Variants in KRTAP10-4 observed in about 807,000 individuals in gnomAD.
KRTAP10-4 encodes the protein keratin associated protein 10-4, also known as keratin-associated protein 10-4.
For synonymous variants in KRTAP10-4, 147 were observed against 213.7 expected, an observed-to-expected ratio of 0.69 and a Z score of 2.72; for missense variants, 374 against 507.6, an observed-to-expected ratio of 0.74 and a Z score of 2.53.
rs1555923642 is a variant in KRTAP10-4 at position 44,574,915 on chromosome 21, C to A, written c.1157C>A (p.Ser386Tyr). The A allele has an allele frequency of 1.9e-6, 3 of 1,612,206 alleles. No individual in the cohort carries two copies. The highest frequency in any genetic ancestry group is 2.5e-6 in the Non-Finnish European group (3 of 1,179,582). The change falls in exon 1 of 1, where the codon TCC becomes TAC. Residue 386 changes from serine (S) to tyrosine (Y), a missense_variant. Physicochemically the swap from Ser to Tyr is moderately radical, Grantham distance 144 (BLOSUM62 -2). Coordinates refer to ENST00000400374, the MANE Select transcript of KRTAP10-4 (RefSeq NM_198687.2). ...PVPSCCAPTSSCQPSCCRPAS... is the reference protein window; with the variant it reads ...PVPSCCAPTSYCQPSCCRPAS... The stretch of plus-strand genomic sequence containing the variant: ...CCTTCCTGCTGTGCTCCCACCTCCT[C>A]CTGCCAACCCAGCTGCTGCCGCCCA...
At position 44,575,179 on chromosome 21, in the gene KRTAP10-4, C is replaced by G; in HGVS notation, c.*215C>G. ...AAAGTCTATACTCAATGCTGCAGCCCTCTTGCGGGGGGAGGGGGGCGCTTC... is the reference window on the plus strand; with the variant it reads ...AAAGTCTATACTCAATGCTGCAGCCGTCTTGCGGGGGGAGGGGGGCGCTTC... On this transcript the variant is annotated 3_prime_UTR_variant, in exon 1 of 1. Transcript: ENST00000400374. 1.3e-6 allele frequency: 1 copy of G among 796,888 alleles called. No individual in the cohort carries two copies. Among genetic ancestry groups the G allele is most frequent in the Non-Finnish European group, 2.0e-6 (1 of 504,678 alleles). The allele number at this position is 796,888 out of a possible 1,614,324, so 49.4% of individuals were successfully genotyped here. A position where few individuals can be genotyped will look rare whatever the true frequency, so the allele number is the denominator to read the frequency against.
chr21:44,574,449 CCCGTCTGCTGCAAGA>C lies in KRTAP10-4; in HGVS notation c.693_707del (p.Thr236_Lys240del), dbSNP rs782087682. 12 of 1,602,246 alleles carry C rather than the reference CCCGTCTGCTGCAAGA, an allele frequency of 7.5e-6. 1 individual carries two copies. The South Asian group carries it at 9.9e-5, about 13-fold the overall frequency. On this transcript the variant is annotated inframe_deletion, in exon 1 of 1. Coordinates refer to ENST00000400374, the MANE Select transcript of KRTAP10-4 (RefSeq NM_198687.2). ...CTCCTGCCAGCAGGCCTGCTGCGTG[CCCGTCTGCTGCAAGA>C]CTGTCTGCTGCAAGCCTGTGTGCTC...
Position 44,574,791 on chromosome 21 carries a change from T to C in KRTAP10-4, c.1033T>C (p.Cys345Arg). ...CTCTTCATGCTGCCAGCAATCTAGC[T>C]GCCAGCCAGCTTGCTGCACCACCTC... is the stretch of plus-strand genomic sequence containing the variant. ...ASSSCCQQSS[C>R]QPACCTTSCC... is the part of the protein sequence containing the mutation. The change falls in exon 1 of 1, where the codon TGC (cysteine) becomes CGC (arginine). Residue 345 changes from cysteine to arginine, a missense_variant. Coordinates refer to ENST00000400374, the MANE Select transcript of KRTAP10-4 (RefSeq NM_198687.2). 1 of 1,614,172 alleles carries C rather than the reference T, an allele frequency of 6.2e-7. No individual in the cohort carries two copies. Among genetic ancestry groups the C allele is most frequent in the Non-Finnish European group, 8.5e-7 (1 of 1,180,020 alleles).
At position 44,574,127 on chromosome 21, in the gene KRTAP10-4, G is replaced by A; in HGVS notation, c.369G>A (p.Val123=). The A allele has an allele frequency of 6.3e-7, 1 of 1,595,432 alleles. No homozygotes were observed. The highest frequency in any genetic ancestry group is 8.6e-7 in the Non-Finnish European group (1 of 1,168,554). The stretch of plus-strand genomic sequence containing the variant: ...GCAAGACTGTCTGCTGCAAGCCTGT[G>A]TGCTGTGTGCCCGTCTGCTGTGGGG... ...VCCKTVCCKP[V]CCVPVCCGDS... The change falls in exon 1 of 1, where the codon GTG becomes GTA. Residue 123 remains valine (V), a synonymous_variant. Coordinates refer to ENST00000400374, the MANE Select transcript of KRTAP10-4 (RefSeq NM_198687.2).
In KRTAP10-4 at chr21:44,574,337, C is replaced by G; in HGVS notation, c.579C>G (p.Pro193=). The G allele has an allele frequency of 3.1e-6, 5 of 1,610,380 alleles. No homozygotes were observed. Among genetic ancestry groups the G allele is most frequent in the South Asian group, 1.1e-5 (1 of 90,862 alleles). ...CCTGCTGCCAGGCGGTCTGTGAGCC[C>G]AGCCCCTGCCAATCAGGCTGCATCA... is the stretch of plus-strand genomic sequence containing the variant. ...SSPCCQAVCE[P]SPCQSGCISS... The change falls in exon 1 of 1, where the codon CCC becomes CCG. Residue 193 remains proline, a synonymous_variant. Coordinates refer to ENST00000400374, the MANE Select transcript of KRTAP10-4 (RefSeq NM_198687.2).
In KRTAP10-4 at chr21:44,574,340, C is replaced by A. The variant is rs782037880; in HGVS notation, c.582C>A (p.Ser194Arg). 1.2e-6 allele frequency: 2 copies of A among 1,609,680 alleles called. No homozygotes were observed. Among genetic ancestry groups the A allele is most frequent in the Admixed American group, 1.7e-5 (1 of 59,666 alleles). The change falls in exon 1 of 1, where the codon AGC becomes AGA. Residue 194 changes from serine to arginine, a missense_variant. Coordinates refer to ENST00000400374, the MANE Select transcript of KRTAP10-4 (RefSeq NM_198687.2). ...SPCCQAVCEP[S>R]PCQSGCISSC... ...GCTGCCAGGCGGTCTGTGAGCCCAG[C>A]CCCTGCCAATCAGGCTGCATCAGCT...
Position 44,575,082 on chromosome 21 carries a change from C to G in KRTAP10-4, c.*118C>G. The G allele has an allele frequency of 6.9e-7, 1 of 1,447,782 alleles. No individual in the cohort carries two copies. Among genetic ancestry groups the G allele is most frequent in the Non-Finnish European group, 9.4e-7 (1 of 1,065,864 alleles). 89.7% of individuals were successfully genotyped at this position (1,447,782 alleles called of 1,614,324 possible). Reference sequence around the variant, plus strand: ...CAGGTCCCACCTGAAAGCTGATAGTCGCGTCCTGAATTGCTCCTGCACTTT... The same window carrying G: ...CAGGTCCCACCTGAAAGCTGATAGTGGCGTCCTGAATTGCTCCTGCACTTT... On this transcript the variant is annotated 3_prime_UTR_variant, in exon 1 of 1. Transcript: ENST00000400374.
chr21:44,574,561 A>C lies in KRTAP10-4; in HGVS notation c.803A>C (p.Gln268Pro). ...PACCTSSPCQ[Q>P]ACCVPVCCKP... Reference sequence around the variant, plus strand: ...TGCTGCACCTCCTCTCCCTGCCAGCAGGCTTGCTGTGTGCCTGTCTGCTGC... The same window carrying C: ...TGCTGCACCTCCTCTCCCTGCCAGCCGGCTTGCTGTGTGCCTGTCTGCTGC... The change falls in exon 1 of 1, where the codon CAG becomes CCG. Residue 268 changes from glutamine to proline, a missense_variant. Transcript: ENST00000400374. 6.2e-7 allele frequency: 1 copy of C among 1,601,964 alleles called. No individual in the cohort carries two copies. The highest frequency in any genetic ancestry group is 8.5e-7 in the Non-Finnish European group (1 of 1,176,786).
In KRTAP10-4 at chr21:44,574,580, C is replaced by T. The variant is rs587619253; in HGVS notation, c.822C>T (p.Val274=). ...GCCAGCAGGCTTGCTGTGTGCCTGT[C>T]TGCTGCAAGCCTGTGTGCTGCAAGC... is the stretch of plus-strand genomic sequence containing the variant. The part of the protein sequence containing the change: ...SPCQQACCVP[V]CCKPVCCKPV... Residue 274 remains valine, a synonymous_variant, in exon 1 of 1, where the codon GTC becomes GTT. Transcript: ENST00000400374. 7 of 1,308,970 alleles carry T rather than the reference C, an allele frequency of 5.3e-6. No homozygotes were observed. Among genetic ancestry groups the T allele is most frequent in the Non-Finnish European group, 7.1e-6 (7 of 980,206 alleles). The allele number at this position is 1,308,970 out of a possible 1,614,324, so 81.1% of individuals were successfully genotyped here. A position where few individuals can be genotyped will look rare whatever the true frequency, so the allele number is the denominator to read the frequency against.
Position 44,574,212 on chromosome 21 carries a change from C to A in KRTAP10-4, c.454C>A (p.Gln152Lys), listed in dbSNP as rs782558534. 3 of 1,604,768 alleles carry A rather than the reference C, an allele frequency of 1.9e-6. No homozygotes were observed. In the Admixed American group the frequency reaches 5.1e-5, roughly 27 times the overall value. The stretch of plus-strand genomic sequence containing the variant: ...AGCTTGCTGCACCTCCTCCCCCTGC[C>A]AGCAGGCCTGCTGTGTGCCCATCTG... ...QSACCTSSPC[Q>K]QACCVPICCK... is the part of the protein sequence containing the mutation. Residue 152 changes from glutamine to lysine, a missense_variant, in exon 1 of 1, where the codon CAG becomes AAG. Physicochemically the swap from Gln to Lys is moderately conservative, Grantham distance 53. Coordinates refer to ENST00000400374, the MANE Select transcript of KRTAP10-4 (RefSeq NM_198687.2).
chr21:44,574,822 G>A lies in KRTAP10-4; in HGVS notation c.1064G>A (p.Cys355Tyr). The change falls in exon 1 of 1, where the codon TGC becomes TAC. Residue 355 changes from cysteine to tyrosine, a missense_variant. Cys to Tyr is a radical substitution (Grantham distance 194, BLOSUM62 -2). Transcript: ENST00000400374. The part of the protein sequence containing the change: ...CQPACCTTSC[C>Y]RPSSSVSLLC... Reference sequence around the variant, plus strand: ...CCAGCTTGCTGCACCACCTCCTGCTGCAGACCCTCCTCCTCCGTGTCCCTC... The same window carrying A: ...CCAGCTTGCTGCACCACCTCCTGCTACAGACCCTCCTCCTCCGTGTCCCTC... 1 of 1,613,942 alleles carries A rather than the reference G, an allele frequency of 6.2e-7. No individual in the cohort carries two copies. The highest frequency in any genetic ancestry group is 8.5e-7 in the Non-Finnish European group (1 of 1,179,986).
Position 44,574,703 on chromosome 21 carries a change from G to C in KRTAP10-4, c.945G>C (p.Gln315His). Residue 315 changes from glutamine to histidine, a missense_variant, in exon 1 of 1, where the codon CAG (glutamine) becomes CAC (histidine). Transcript: ENST00000400374. ...PACCTSSQSQ[Q>H]GCCVPVCCKP... ...GCTGCACCTCCTCCCAAAGCCAGCA[G>C]GGCTGCTGCGTGCCCGTCTGCTGCA... The C allele has an allele frequency of 6.2e-7, 1 of 1,608,280 alleles. No homozygotes were observed. Among genetic ancestry groups the C allele is most frequent in the South Asian group, 1.1e-5 (1 of 90,958 alleles).
In KRTAP10-4 at chr21:44,575,035, G is replaced by GC. The variant is rs35730314; in HGVS notation, c.*77dup. ...CAGAAGCCCAGCTGCTGATGGACAC[G>GC]CCCCCCAGTGCCAGCCAGGCTCAGG... On this transcript the variant is annotated 3_prime_UTR_variant, in exon 1 of 1. Coordinates refer to ENST00000400374, the MANE Select transcript of KRTAP10-4 (RefSeq NM_198687.2). 5.1e-6 allele frequency: 8 copies of GC among 1,578,366 alleles called. No homozygotes were observed. Among genetic ancestry groups the GC allele is most frequent in the South Asian group, 2.4e-5 (2 of 84,350 alleles).
chr21:44,574,481 T>C lies in KRTAP10-4; in HGVS notation c.723T>C (p.Pro241=), dbSNP rs528503. The C allele has an allele frequency of 1.2e-6, 2 of 1,608,768 alleles. No homozygotes were observed. The highest frequency in any genetic ancestry group is 1.7e-6 in the Non-Finnish European group (2 of 1,178,924). Residue 241 remains proline, a synonymous_variant, in exon 1 of 1, where the codon CCT becomes CCC. Transcript: ENST00000400374. ...PVCCKTVCCK[P]VCSEDSSSCC... ...GCTGCAAGACTGTCTGCTGCAAGCCTGTGTGCTCTGAGGATTCCTCTTCAT... is the reference window on the plus strand; with the variant it reads ...GCTGCAAGACTGTCTGCTGCAAGCCCGTGTGCTCTGAGGATTCCTCTTCAT...
Position 44,574,942 on chromosome 21 carries a change from C to T in KRTAP10-4, c.1184C>T (p.Ala395Val), listed in dbSNP as rs1555923671. 4 of 1,605,826 alleles carry T rather than the reference C, an allele frequency of 2.5e-6. No homozygotes were observed. Among genetic ancestry groups the T allele is most frequent in the Non-Finnish European group, 2.6e-6 (3 of 1,175,900 alleles). Residue 395 changes from alanine to valine, a missense_variant, in exon 1 of 1, where the codon GCC becomes GTC. Transcript: ENST00000400374. The stretch of plus-strand genomic sequence containing the variant: ...TGCCAACCCAGCTGCTGCCGCCCAG[C>T]CTCCTGCGTGTCCCTCCTCTGACGC... ...SSCQPSCCRP[A>V]SCVSLL
Position 44,574,878 on chromosome 21 carries a change from T to C in KRTAP10-4, c.1120T>C (p.Cys374Arg), listed in dbSNP as rs1448382936. The change falls in exon 1 of 1, where the codon TGC becomes CGC. Residue 374 changes from cysteine to arginine, a missense_variant. Transcript: ENST00000400374. Reference protein sequence around the residue: ...LCRPVCRPACCVPVPSCCAPT... With the variant: ...LCRPVCRPACRVPVPSCCAPT... ...CCGCCCCGTGTGCAGGCCCGCCTGC[T>C]GCGTGCCCGTCCCTTCCTGCTGTGC... 9.3e-6 allele frequency: 15 copies of C among 1,612,858 alleles called. No homozygotes were observed. Among genetic ancestry groups the C allele is most frequent in the Non-Finnish European group, 1.3e-5 (15 of 1,179,948 alleles).
In KRTAP10-4 at chr21:44,574,195, G is replaced by T; in HGVS notation, c.437G>T (p.Cys146Phe). The T allele has an allele frequency of 6.2e-7, 1 of 1,613,366 alleles. No homozygotes were observed. The highest frequency in any genetic ancestry group is 1.1e-5 in the South Asian group (1 of 91,026). The change falls in exon 1 of 1, where the codon TGC (cysteine) becomes TTC (phenylalanine). Residue 146 changes from cysteine to phenylalanine, a missense_variant. Cys to Phe is a radical substitution (Grantham distance 205). Transcript: ENST00000400374. ...CQQSSCQSAC[C>F]TSSPCQQACC... ...CAGTCTAGCTGCCAGTCAGCTTGCT[G>T]CACCTCCTCCCCCTGCCAGCAGGCC...
Position 44,573,958 on chromosome 21 carries a change from G to C in KRTAP10-4, c.200G>C (p.Cys67Ser), listed in dbSNP as rs1978300565. 1.9e-6 allele frequency: 3 copies of C among 1,612,212 alleles called. No homozygotes were observed. In the East Asian group the frequency reaches 6.7e-5, roughly 36 times the overall value. ...CCAGTGAGCCGTGTGTCCAGCCCCT[G>C]CTGCCCAGTGACCTGTGAGCCCAGC... ...CTPVSRVSSPCCPVTCEPSPC... is the reference protein window; with the variant it reads ...CTPVSRVSSPSCPVTCEPSPC... Residue 67 changes from cysteine to serine, a missense_variant, in exon 1 of 1, where the codon TGC becomes TCC. By Grantham distance (112) the Cys-to-Ser change is moderately radical (BLOSUM62 -1). Coordinates refer to ENST00000400374, the MANE Select transcript of KRTAP10-4 (RefSeq NM_198687.2).
rs1356298132 is a variant in KRTAP10-4 at position 44,575,294 on chromosome 21, C to T, written c.*330C>T. On this transcript the variant is annotated 3_prime_UTR_variant, in exon 1 of 1. Transcript: ENST00000400374. Reference sequence around the variant, plus strand: ...CCTTGACCCGTGAGGTCTCTGTCCTCCTGGCTCAGAGCCGCAGAGCCTTCT... The same window carrying T: ...CCTTGACCCGTGAGGTCTCTGTCCTTCTGGCTCAGAGCCGCAGAGCCTTCT... 4.2e-6 allele frequency: 2 copies of T among 477,534 alleles called. No homozygotes were observed. The highest frequency in any genetic ancestry group is 3.9e-5 in the African/African-American group (2 of 51,396). 29.6% of individuals were successfully genotyped at this position (477,534 alleles called of 1,614,324 possible). A position where few individuals can be genotyped will look rare whatever the true frequency, so the allele number is the denominator to read the frequency against.
Sources: allele counts gnomAD v4.1 joint callset, GRCh38; gene constraint gnomAD v4.1.1; transcripts MANE v1.5; gene names NCBI Gene and HGNC (gene_info 2026-07-23, HGNC 2026-07-21).